Variants in GABRG3 observed in about 807,000 individuals in gnomAD.
GABRG3 encodes the protein gamma-aminobutyric acid receptor subunit gamma-3.
In GABRG3, 25 loss-of-function variants were observed where a neutral mutation model predicts 48.8. That is an observed-to-expected ratio of 0.51 (90% confidence interval 0.37 to 0.72). The LOEUF (loss-of-function observed/expected upper bound fraction) is 0.72, where lower values mean the gene tolerates loss of function less well. Among genes scored for constraint, GABRG3 ranks in the 30% least tolerant of loss-of-function variants. The probability of loss-of-function intolerance (pLI) is 0.00; values close to 1 mark genes in which losing one functional copy is unlikely to be tolerated. For synonymous variants in GABRG3, 227 were observed against 217.6 expected (o/e 1.04, Z -0.38); for missense variants, 394 against 577.9 (o/e 0.68, Z 3.26).
chr15:27,500,433 C>T (rs11074283), intron 6 of GABRG3, among the ~76,000 whole-genome samples: 68,160 of 152,000 alleles, frequency 0.45, 15,623 homozygotes, highest in Middle Eastern at 0.52. Context: ...CGCGACTTCC[C>T]TTAGCCATGC....
intron 3 of GABRG3, among the ~76,000 whole-genome samples, chr15:27,265,899 A>T (rs1195993752): frequency 4.0e-4 from 13 of 32,794 alleles, no homozygotes; most frequent in African/African-American, 1.0e-3. Flanking sequence ...TTTTTTTTTG[A>T]GAGTGACCTT....
intron 3 of GABRG3, among the ~76,000 whole-genome samples, chr15:27,128,952 A>C (rs959472646): frequency 6.6e-6 from 1 of 152,254 alleles, no homozygotes; most frequent in African/African-American, 2.4e-5. Context: ...ATTTATATCT[A>C]CTTTTAAGTT....
At chr15:27,469,088 A>C (rs1293502916) in intron 5 of GABRG3, among the ~76,000 whole-genome samples, 2 of 152,232 alleles carry the variant, frequency 1.3e-5, no homozygotes, top group Non-Finnish European at 2.9e-5. Context: ...TAAGGGTATT[A>C]GAACATATCC....
At chr15:27,385,710 T>C (rs1895902224) in intron 5 of GABRG3, among the ~76,000 whole-genome samples, 1 of 152,188 alleles carries the variant, frequency 6.6e-6, no homozygotes. Context: ...ATCCAGAATT[T>C]TCATTTGGTT....
At chr15:27,399,801 A>G (rs571334197) in intron 5 of GABRG3, among the ~76,000 whole-genome samples, 5 of 152,274 alleles carry the variant, frequency 3.3e-5, no homozygotes, top group Admixed American at 2.6e-4. Flanking sequence ...GAATGATGAC[A>G]GTAGACCCAG....
intron 5 of GABRG3, among the ~76,000 whole-genome samples, chr15:27,459,766 T>A (rs982879322): frequency 1.6e-4 from 25 of 152,216 alleles, no homozygotes; most frequent in African/African-American, 6.0e-4. Flanking sequence ...ACACCCACAC[T>A]TCCTTGTAAG....
intron 5 of GABRG3, among the ~76,000 whole-genome samples, chr15:27,401,677 T>C (rs1887479453): frequency 6.6e-6 from 1 of 152,196 alleles, no homozygotes; most frequent in South Asian, 2.1e-4. Flanking sequence ...CTCGCGACCA[T>C]AGTTAGATTG....
At chr15:27,002,264 C>G (rs1895463006) in intron 2 of GABRG3, among the ~76,000 whole-genome samples, 1 of 152,192 alleles carries the variant, frequency 6.6e-6, no homozygotes, top group Non-Finnish European at 1.5e-5. Flanking sequence ...TCTGTCAGGG[C>G]TCACTGGCCC....
At chr15:26,973,283 T>G (rs1273468852) in intron 1 of GABRG3, among the ~76,000 whole-genome samples, 1 of 152,328 alleles carries the variant, frequency 6.6e-6, no homozygotes, top group African/African-American at 2.4e-5. Context: ...CAAAATCTCT[T>G]GGGATTCTTC....
In GABRG3 at chr15:27,539,013, G is replaced by C. The variant is rs1395756405; in HGVS notation, c.*6132G>C. On this transcript the variant is annotated 3_prime_UTR_variant, in exon 10 of 10. Coordinates refer to ENST00000615808, the MANE Select transcript of GABRG3 (RefSeq NM_033223.5). ...ACTAACCACTTTTTAAAAAAGAACTGAAATTCCCATTTTTTGTTAAACGTT... is the reference window on the plus strand; with the variant it reads ...ACTAACCACTTTTTAAAAAAGAACTCAAATTCCCATTTTTTGTTAAACGTT... The C allele has an allele frequency of 6.6e-6, 1 of 152,142 alleles. No homozygotes were observed. Among genetic ancestry groups the C allele is most frequent in the African/African-American group, 2.4e-5 (1 of 41,414 alleles). 9.4% of individuals were successfully genotyped at this position (152,142 alleles called of 1,614,324 possible). A position where few individuals can be genotyped will look rare whatever the true frequency, so the allele number is the denominator to read the frequency against.
chr15:27,121,152 C>T (rs1897724285), intron 3 of GABRG3, among the ~76,000 whole-genome samples: 1 of 152,156 alleles, frequency 6.6e-6, no homozygotes, highest in African/African-American at 2.4e-5. Flanking sequence ...GTCTGGTGCA[C>T]TGCACACGTC....
At chr15:27,226,499 A>G (rs1457707343) in intron 3 of GABRG3, among the ~76,000 whole-genome samples, 1 of 152,124 alleles carries the variant, frequency 6.6e-6, no homozygotes, top group Admixed American at 6.5e-5. Context: ...GGCCCCAGGC[A>G]AGCTGGCCAA....
chr15:26,972,026 G>T (rs1894855707), intron 1 of GABRG3, among the ~76,000 whole-genome samples: 1 of 151,828 alleles, frequency 6.6e-6, no homozygotes, highest in Non-Finnish European at 1.5e-5. Flanking sequence ...GGTTCTAACT[G>T]CCTAGTTTAG....
At chr15:27,467,730 A>G (rs1270386914) in intron 5 of GABRG3, among the ~76,000 whole-genome samples, 5 of 152,224 alleles carry the variant, frequency 3.3e-5, no homozygotes, top group Non-Finnish European at 5.9e-5. Context: ...TTTTGGCTGC[A>G]TGTATCTCCT....
At chr15:27,514,463 C>A (rs946781409) in intron 6 of GABRG3, among the ~76,000 whole-genome samples, 1 of 152,206 alleles carries the variant, frequency 6.6e-6, no homozygotes, top group Non-Finnish European at 1.5e-5. Context: ...GACAGTCTCT[C>A]TCTTCATGAA....
At chr15:27,211,540 C>T (rs192440252) in intron 3 of GABRG3, among the ~76,000 whole-genome samples, 4 of 152,194 alleles carry the variant, frequency 2.6e-5, no homozygotes, top group East Asian at 1.9e-4. Context: ...GACTATTGCT[C>T]TGCAGCTATA....
rs574423161 is a variant in GABRG3 at position 27,047,381 on chromosome 15, C to T, written c.270+20560C>T. 1.4e-4 allele frequency among the ~76,000 whole-genome samples: 22 copies of T among 152,314 alleles called. No homozygotes were observed. In the South Asian group the frequency reaches 3.9e-3, roughly 27 times the overall value. ...CACCTCCATTACTGTAATTCATGGG[C>T]ACTGACTATCATTTTGATTGAAAAT... is the stretch of plus-strand genomic sequence containing the variant. On this transcript the variant is annotated intron_variant, in intron 3 of 9. Coordinates refer to ENST00000615808, the MANE Select transcript of GABRG3 (RefSeq NM_033223.5).
Position 27,541,463 on chromosome 15 carries a change from C to T in GABRG3, c.*8582C>T, listed in dbSNP as rs1891659732. 6.6e-6 allele frequency: 1 copy of T among 152,250 alleles called. No individual in the cohort carries two copies. Among genetic ancestry groups the T allele is most frequent in the Non-Finnish European group, 1.5e-5 (1 of 68,088 alleles). The allele number at this position is 152,250 out of a possible 1,614,324, so 9.4% of individuals were successfully genotyped here. A position where few individuals can be genotyped will look rare whatever the true frequency, so the allele number is the denominator to read the frequency against. On this transcript the variant is annotated 3_prime_UTR_variant, in exon 10 of 10. Transcript: ENST00000615808. ...AAGGGAAGGAGAGAGGCGCGGACTG[C>T]TCTCTGTTCCCATGGAATCCTTCCT...
At chr15:27,360,108 C>T (rs148514884) in intron 5 of GABRG3, among the ~76,000 whole-genome samples, 1 of 152,230 alleles carries the variant, frequency 6.6e-6, no homozygotes, top group Non-Finnish European at 1.5e-5. Flanking sequence ...GAAGCAAATA[C>T]TGTGGGACTC....
Sources: gnomAD v4.1 joint callset for allele counts (sites outside exome capture counted in the v4.1 genomes callset) on GRCh38, gnomAD v4.1.1 for gene constraint, MANE v1.5 for transcripts, NCBI Gene and HGNC (gene_info 2026-07-23, HGNC 2026-07-21) for gene names.